The following TENM1 variants were observed in gnomAD, a reference collection of about 807,000 sequenced individuals.
TENM1 encodes teneurin transmembrane protein 1, also known as teneurin-1.
TENM1 carries 35 observed loss-of-function variants against 174.8 expected under a neutral mutation model. That is an observed-to-expected ratio of 0.20 (90% CI 0.15 to 0.27). The LOEUF is 0.27. Among genes scored for constraint, TENM1 ranks in the 10% least tolerant of loss-of-function variants. TENM1 has a pLI of 1.00. For synonymous variants in TENM1, 781 were observed against 798.7 expected (o/e 0.98, Z 0.37); for missense variants, 1,633 against 2,130.1 (o/e 0.77, Z 4.59).
At chrX:124,925,567 A>G (rs2058081768) in intron 1 of TENM1, among the ~76,000 whole-genome samples, 1 of 112,649 alleles carries the variant, frequency 8.9e-6, no homozygotes, top group African/African-American at 3.2e-5. Context: ...TAGAAAAAGT[A>G]AAGAAATTAA....
At chrX:124,828,104 C>G (rs888484239) in intron 3 of TENM1, among the ~76,000 whole-genome samples, 4 of 111,481 alleles carry the variant, frequency 3.6e-5, no homozygotes, top group Admixed American at 1.9e-4. Flanking sequence ...AGAAATGTAA[C>G]AGATGTTAAA....
the TENM1 span, among the ~76,000 whole-genome samples, chrX:125,056,711 C>T: frequency 6.3e-5 from 7 of 111,608 alleles, no homozygotes; most frequent in Admixed American, 9.6e-5. Flanking sequence ...AGAATTCATA[C>T]ATTCAAATGA....
chrX:124,414,417 G>A (rs1346205641), intron 25 of TENM1, among the ~76,000 whole-genome samples: 1 of 111,495 alleles, frequency 9.0e-6, no homozygotes, highest in Non-Finnish European at 1.9e-5. Context: ...CTTGTCTGCT[G>A]TGCGAGTTGC....
At chrX:124,567,042 A>C (rs1429206259) in intron 11 of TENM1, among the ~76,000 whole-genome samples, 1 of 112,066 alleles carries the variant, frequency 8.9e-6, no homozygotes, top group Admixed American at 9.5e-5. Flanking sequence ...GGAAAGGGAA[A>C]AATAAAAGTT....
At chrX:124,547,985 C>T (rs1490115845) in intron 14 of TENM1, among the ~76,000 whole-genome samples, 2 of 111,488 alleles carry the variant, frequency 1.8e-5, no homozygotes, top group Non-Finnish European at 3.8e-5. Flanking sequence ...CACAGGCGCC[C>T]GCCAACACAC....
At chrX:125,199,990 A>C in the TENM1 span, among the ~76,000 whole-genome samples, 1 of 111,357 alleles carries the variant, frequency 9.0e-6, no homozygotes, top group East Asian at 2.8e-4. Flanking sequence ...ACATTATATA[A>C]ATTGCCATAA....
At chrX:124,519,235 T>C in intron 18 of TENM1, among the ~76,000 whole-genome samples, 1 of 111,762 alleles carries the variant, frequency 8.9e-6, no homozygotes, top group Non-Finnish European at 1.9e-5. Context: ...ACCGATGGTA[T>C]TTCTTGTACT....
intron 5 of TENM1, among the ~76,000 whole-genome samples, chrX:124,679,480 G>A (rs1333526536): frequency 8.9e-6 from 1 of 111,823 alleles, no homozygotes; most frequent in Non-Finnish European, 1.9e-5. Flanking sequence ...TACTTCAGTG[G>A]CCATGATGTG....
the TENM1 span, among the ~76,000 whole-genome samples, chrX:125,021,750 A>G: frequency 8.9e-6 from 1 of 112,481 alleles, no homozygotes; most frequent in African/African-American, 3.2e-5. Flanking sequence ...GGGCAGTAAA[A>G]TTGGAATTTC....
chrX:124,923,406 C>G (rs2058050269), intron 1 of TENM1, among the ~76,000 whole-genome samples: 1 of 111,745 alleles, frequency 8.9e-6, no homozygotes, highest in Non-Finnish European at 1.9e-5. Context: ...ATGCGTAAAT[C>G]TGAGTGGTTT....
chrX:124,884,268 T>C (rs1752346064), intron 3 of TENM1, among the ~76,000 whole-genome samples: 1 of 110,141 alleles, frequency 9.1e-6, no homozygotes, highest in Non-Finnish European at 1.9e-5. Flanking sequence ...AGGATGTTCA[T>C]TGTACTCCAG....
At chrX:124,957,715 A>G (rs747540316) in intron 1 of TENM1, among the ~76,000 whole-genome samples, 1 of 111,740 alleles carries the variant, frequency 8.9e-6, no homozygotes, top group Non-Finnish European at 1.9e-5. Flanking sequence ...TCGGAGAAAA[A>G]GAAGCGTTAA....
chrX:124,822,080 T>C (rs1220102291), intron 3 of TENM1, among the ~76,000 whole-genome samples: 4 of 112,611 alleles, frequency 3.6e-5, no homozygotes, highest in African/African-American at 1.3e-4. Flanking sequence ...GAGAACACAC[T>C]TTCCAGCCCC....
At chrX:124,629,003 A>G (rs1163590500) in intron 11 of TENM1, among the ~76,000 whole-genome samples, 1 of 111,799 alleles carries the variant, frequency 8.9e-6, no homozygotes, top group Non-Finnish European at 1.9e-5. Context: ...TAGAAATAGT[A>G]CAGTGGTGAG....
At chrX:125,188,378 GAAAGA>G in the TENM1 span, among the ~76,000 whole-genome samples, 1,334 of 108,205 alleles carry the variant, frequency 0.012, 25 homozygotes, top group African/African-American at 0.043. Context: ...AATAACAAAG[GAAAGA>G]AAAGAAAAGA....
chrX:124,560,191 T>G (rs866824130), intron 14 of TENM1, among the ~76,000 whole-genome samples: 1 of 88,210 alleles, frequency 1.1e-5, no homozygotes, highest in Admixed American at 1.3e-4. Context: ...TCTCTTCTAT[T>G]TGTGTGTGTG....
rs141710758 is a variant in TENM1 at position 124,736,967 on chromosome X, A to G, written c.766T>C (p.Leu256=). ...TAATAGCTCAAGTACCTGGTCTCCA[A>G]TGGTATGTTGCTGTTCAGGACCCAG... Residue 256 remains leucine (L), a synonymous_variant, in exon 4 of 32, where the codon TTG becomes CTG. Coordinates refer to ENST00000422452, the Ensembl canonical transcript of TENM1. 3.6e-5 allele frequency: 43 copies of G among 1,205,527 alleles called. No homozygotes were observed. In the East Asian group the frequency reaches 6.2e-4, roughly 17 times the overall value.
intron 11 of TENM1, among the ~76,000 whole-genome samples, chrX:124,641,543 T>TAACTGTAG (rs1287666726): frequency 9.0e-6 from 1 of 111,021 alleles, no homozygotes; most frequent in East Asian, 2.8e-4. Context: ...ATGTATTAAA[T>TAACTGTAG]AACTGTAGGA....
chrX:124,944,305 A>G (rs746991824), intron 1 of TENM1, among the ~76,000 whole-genome samples: 1 of 111,555 alleles, frequency 9.0e-6, no homozygotes, highest in Admixed American at 9.6e-5. Flanking sequence ...ATGAATCACA[A>G]AGGCTTGTAA....
Sources: allele counts gnomAD v4.1 joint callset (sites outside exome capture counted in the v4.1 genomes callset), GRCh38; gene constraint gnomAD v4.1.1; transcripts MANE v1.5; gene names NCBI Gene and HGNC (gene_info 2026-07-23, HGNC 2026-07-21).